CALCRL: variants seen among roughly 807,000 people sequenced by gnomAD.
The protein encoded by CALCRL is calcitonin receptor like receptor.
Under a neutral mutation model 60.4 loss-of-function variants are expected in CALCRL, and 27 were observed. That is an observed-to-expected ratio of 0.45 (90% CI 0.33 to 0.62). CALCRL has a LOEUF of 0.62. Ranked by LOEUF, CALCRL falls within the 20% of genes least tolerant of loss-of-function variation. The probability of loss-of-function intolerance (pLI) is 0.03; values close to 1 mark genes in which losing one functional copy is unlikely to be tolerated. For synonymous variants in CALCRL, 190 were observed against 182.6 expected (o/e 1.04, Z -0.33); for missense variants, 424 against 540.7 (o/e 0.78, Z 2.14).
intron 8 of CALCRL, among the ~76,000 whole-genome samples, chr2:187,375,830 C>A (rs1687735121): frequency 1.3e-5 from 2 of 151,982 alleles, no homozygotes; most frequent in South Asian, 2.1e-4. Context: ...TAAATTTTAA[C>A]CCTTCAATTA....
At chr2:187,402,632 A>C (rs765128948) in intron 1 of CALCRL, among the ~76,000 whole-genome samples, 1 of 151,684 alleles carries the variant, frequency 6.6e-6, no homozygotes, top group Non-Finnish European at 1.5e-5. Flanking sequence ...AGATATTTTC[A>C]TTTTGAATAT....
Position 187,380,539 on chromosome 2 carries a change from A to C in CALCRL, c.336T>G (p.Phe112Leu). The C allele has an allele frequency of 6.2e-7, 1 of 1,613,588 alleles. No homozygotes were observed. The highest frequency in any genetic ancestry group is 8.5e-7 in the Non-Finnish European group (1 of 1,179,560). The change falls in exon 7 of 15, where the codon TTT (phenylalanine) becomes TTG (leucine). Residue 112 changes from phenylalanine (F) to leucine (L), a missense_variant. Phe to Leu is a conservative substitution (Grantham distance 22). Coordinates refer to ENST00000392370, the MANE Select transcript of CALCRL (RefSeq NM_005795.6). ...TKICDQDGNWFRHPASNRTWT... is the reference protein window; with the variant it reads ...TKICDQDGNWLRHPASNRTWT... ...ATGTTCTGTTGCTTGCTGGATGTCT[A>C]AACCAGTTTCCATCTTGGTCACAGA...
At chr2:187,383,375 G>C in intron 4 of CALCRL, 70 bp from the exon 5 acceptor site, 2 of 1,339,946 alleles carry the variant, frequency 1.5e-6, no homozygotes, top group South Asian at 2.8e-5. Context: ...GTCAAAGGCA[G>C]TCTGTCACAG....
chr2:187,394,479 A>G (rs552494130), intron 1 of CALCRL, among the ~76,000 whole-genome samples: 6 of 152,170 alleles, frequency 3.9e-5, no homozygotes, highest in African/African-American at 1.4e-4. Context: ...ATAGAAAACT[A>G]ATAAAAATCC....
intron 12 of CALCRL, among the ~76,000 whole-genome samples, chr2:187,353,746 T>C (rs1045221342): frequency 6.6e-6 from 1 of 151,960 alleles, no homozygotes; most frequent in African/African-American, 2.4e-5. Flanking sequence ...CATCCATTGC[T>C]CTTTAAAAAA....
chr2:187,385,501 C>A, intron 4 of CALCRL, 44 bp downstream of exon 4: 1 of 971,740 alleles, frequency 1.0e-6, no homozygotes, highest in Non-Finnish European at 1.6e-6. Context: ...TATAGGTATA[C>A]TGGAAGCAAT....
chr2:187,360,482 C>T, intron 10 of CALCRL, 116 bp downstream of exon 10: 2 of 856,912 alleles, frequency 2.3e-6, no homozygotes, highest in Non-Finnish European at 1.7e-6. Flanking sequence ...AAGTTAATCA[C>T]CTGATATTCT....
intron 8 of CALCRL, among the ~76,000 whole-genome samples, chr2:187,374,057 C>G (rs1687642025): frequency 6.6e-6 from 1 of 151,938 alleles, no homozygotes; most frequent in Middle Eastern, 3.2e-3. Context: ...GTCCTTGCTA[C>G]TTGGGAGGCT....
intron 1 of CALCRL, among the ~76,000 whole-genome samples, chr2:187,393,204 C>T (rs1688520082): frequency 6.6e-6 from 1 of 152,110 alleles, no homozygotes; most frequent in Admixed American, 6.6e-5. Context: ...TTAAAATGGC[C>T]AGGCCCCACA....
intron 1 of CALCRL, among the ~76,000 whole-genome samples, chr2:187,394,938 C>T (rs1688597912): frequency 6.6e-6 from 1 of 151,908 alleles, no homozygotes; most frequent in Non-Finnish European, 1.5e-5. Flanking sequence ...ATCAATGTTG[C>T]CTATAACTTT....
At chr2:187,379,579 C>T (rs1448935902) in intron 7 of CALCRL, among the ~76,000 whole-genome samples, 1 of 151,918 alleles carries the variant, frequency 6.6e-6, no homozygotes, top group East Asian at 1.9e-4. Context: ...GTCTGCATTC[C>T]ATTTATTTGT....
In CALCRL at chr2:187,342,481, A is replaced by G. The variant is rs1268353612; in HGVS notation, c.*3703T>C. Among the ~76,000 whole-genome samples, 1 of 151,750 alleles carries G rather than the reference A, an allele frequency of 6.6e-6. No homozygotes were observed. Among genetic ancestry groups the G allele is most frequent in the Non-Finnish European group, 1.5e-5 (1 of 67,708 alleles). On this transcript the variant is annotated 3_prime_UTR_variant, in exon 15 of 15. Coordinates refer to ENST00000392370, the MANE Select transcript of CALCRL (RefSeq NM_005795.6). ...TTGTAAAACCAACTTGAGGAGGTCT[A>G]TATTGTAATTAACACTCTCATGTAC...
At chr2:187,401,296 C>T (rs1688878833) in intron 1 of CALCRL, among the ~76,000 whole-genome samples, 1 of 151,628 alleles carries the variant, frequency 6.6e-6, no homozygotes, top group Non-Finnish European at 1.5e-5. Flanking sequence ...AGATGATATT[C>T]ACATTGTAAA....
chr2:187,423,503 A>T lies in CALCRL; in HGVS notation c.-293+24536T>A, dbSNP rs530579626. 2.9e-4 allele frequency among the ~76,000 whole-genome samples: 44 copies of T among 152,088 alleles called. No individual in the cohort carries two copies. In the South Asian group the frequency reaches 8.3e-3, roughly 29 times the overall value. The stretch of plus-strand genomic sequence containing the variant: ...GAAACACAAAATTGACCTTAATAGG[A>T]TATTATTGAGGAATATTTTAATTAT... On this transcript the variant is annotated intron_variant, in intron 1 of 14. Coordinates refer to ENST00000392370, the MANE Select transcript of CALCRL (RefSeq NM_005795.6).
In CALCRL at chr2:187,357,557, C is replaced by T. The variant is rs186272664; in HGVS notation, c.909+1506G>A. The stretch of plus-strand genomic sequence containing the variant: ...TAGGAGAAATACATAATGCATGTGG[C>T]GCTTAAAACCCAAATGACAGTCCCC... On this transcript the variant is annotated intron_variant, in intron 12 of 14. Coordinates refer to ENST00000392370, the MANE Select transcript of CALCRL (RefSeq NM_005795.6). 6.5e-4 allele frequency among the ~76,000 whole-genome samples: 97 copies of T among 148,300 alleles called. 1 individual carries two copies. The highest frequency in any genetic ancestry group is 7.1e-3 in the Middle Eastern group (2 of 282).
intron 12 of CALCRL, among the ~76,000 whole-genome samples, chr2:187,357,997 A>G (rs1040135102): frequency 1.3e-5 from 2 of 152,006 alleles, no homozygotes; most frequent in Non-Finnish European, 2.9e-5. Flanking sequence ...TAAGGACTGT[A>G]ATTGCACTAT....
Position 187,352,158 on chromosome 2 carries a change from C to A in CALCRL, c.1084G>T (p.Glu362Ter). 1 of 1,612,424 alleles carries A rather than the reference C, an allele frequency of 6.2e-7. No individual in the cohort carries two copies. The highest frequency in any genetic ancestry group is 8.5e-7 in the Non-Finnish European group (1 of 1,178,930). The change falls in exon 13 of 15, where the codon GAG (glutamate) becomes TAG (stop). Residue 362 changes from glutamate to a stop codon, truncating the protein, a stop_gained. Coordinates refer to ENST00000392370, the MANE Select transcript of CALCRL (RefSeq NM_005795.6). LOFTEE classifies it high-confidence loss of function. ...TGCATGATGTAGTCATATACCTCCT[C>A]TGCAATCTTTCCTTCAGGTCGCCAT... is the stretch of plus-strand genomic sequence containing the variant. ...IPWRPEGKIA[E>*]EVYDYIMHIL...
intron 1 of CALCRL, among the ~76,000 whole-genome samples, chr2:187,434,102 T>C (rs1026777916): frequency 6.6e-6 from 1 of 152,120 alleles, no homozygotes; most frequent in Admixed American, 6.6e-5. Context: ...AGATATTAGA[T>C]AAAGTTTTTG....
intron 1 of CALCRL, among the ~76,000 whole-genome samples, chr2:187,442,862 C>T (rs1337244077): frequency 6.6e-6 from 1 of 151,686 alleles, no homozygotes; most frequent in Non-Finnish European, 1.5e-5. Context: ...TTCAACTTTG[C>T]ACAACTTCAG....
Sources: allele counts gnomAD v4.1 joint callset (sites outside exome capture counted in the v4.1 genomes callset), GRCh38; gene constraint gnomAD v4.1.1; transcripts MANE v1.5; gene names NCBI Gene and HGNC (gene_info 2026-07-23, HGNC 2026-07-21).